EMSY: variants seen among roughly 807,000 people sequenced by gnomAD.
EMSY encodes the protein BRCA2-interacting transcriptional repressor EMSY.
Under a neutral mutation model 134.6 loss-of-function variants are expected in EMSY, and 26 were observed. The ratio of observed to expected loss-of-function variants is 0.19; its 90% confidence interval spans 0.14 to 0.27. The LOEUF is 0.27. EMSY is among the 10% of genes least tolerant of loss of function. The pLI is 1.00. For synonymous variants in EMSY, 579 were observed against 577.8 expected (o/e 1.00, Z -0.03); for missense variants, 1,305 against 1,611.4 (o/e 0.81, Z 3.26).
chr11:76,484,426 T>C (rs372901930), intron 8 of EMSY, among the ~76,000 whole-genome samples: 7 of 151,936 alleles, frequency 4.6e-5, no homozygotes, highest in African/African-American at 1.7e-4. Flanking sequence ...GAGATAGAGA[T>C]ACGAAAAACC....
At chr11:76,506,483 C>T (rs1457873274) in intron 9 of EMSY, among the ~76,000 whole-genome samples, 1 of 152,124 alleles carries the variant, frequency 6.6e-6, no homozygotes. Flanking sequence ...TCATGAAATG[C>T]ACAGAATACC....
chr11:76,482,835 A>G (rs1322379332), intron 8 of EMSY, among the ~76,000 whole-genome samples: 1 of 152,252 alleles, frequency 6.6e-6, no homozygotes, highest in East Asian at 1.9e-4. Context: ...TCTTCAGCAT[A>G]TTATCCAGGA....
At chr11:76,522,668 T>G (rs1050697771) in intron 11 of EMSY, among the ~76,000 whole-genome samples, 18 of 152,284 alleles carry the variant, frequency 1.2e-4, no homozygotes, top group African/African-American at 4.1e-4. Flanking sequence ...GCCTACTTTG[T>G]CTTTTTTAAT....
At chr11:76,468,377 A>G (rs1948444392) in intron 7 of EMSY, among the ~76,000 whole-genome samples, 1 of 152,186 alleles carries the variant, frequency 6.6e-6, no homozygotes, top group Non-Finnish European at 1.5e-5. Flanking sequence ...TCATTCCACA[A>G]ATATTTATTG....
chr11:76,478,320 C>T (rs1286337919), intron 8 of EMSY, among the ~76,000 whole-genome samples: 1 of 151,454 alleles, frequency 6.6e-6, no homozygotes, highest in Non-Finnish European at 1.5e-5. Context: ...TATATTATTA[C>T]CTTTTTACCC....
intron 9 of EMSY, among the ~76,000 whole-genome samples, chr11:76,503,588 T>A (rs1949963222): frequency 6.6e-6 from 1 of 152,090 alleles, no homozygotes; most frequent in Non-Finnish European, 1.5e-5. Flanking sequence ...GACCCTTACA[T>A]CACACCGTAT....
intron 9 of EMSY, among the ~76,000 whole-genome samples, chr11:76,499,943 G>T (rs1165768068): frequency 2.0e-5 from 3 of 151,832 alleles, no homozygotes; most frequent in African/African-American, 7.2e-5. Flanking sequence ...AGCTAGAAAT[G>T]GTGGCATGTG....
At chr11:76,494,671 CTT>C (rs1949562056) in intron 8 of EMSY, among the ~76,000 whole-genome samples, 2 of 26,314 alleles carry the variant, frequency 7.6e-5, no homozygotes. Flanking sequence ...TCCTTCCTTC[CTT>C]CCTTCCTTCC....
chr11:76,450,919 G>A (rs1374603155), intron 2 of EMSY, among the ~76,000 whole-genome samples: 2 of 151,424 alleles, frequency 1.3e-5, no homozygotes, highest in Non-Finnish European at 2.9e-5. Flanking sequence ...TCAGCCTCCT[G>A]AGAGGCTGGA....
chr11:76,514,639 A>G (rs1447058002), intron 10 of EMSY, among the ~76,000 whole-genome samples: 1 of 152,160 alleles, frequency 6.6e-6, no homozygotes, highest in African/African-American at 2.4e-5. Flanking sequence ...TATATAGTTC[A>G]TTGGCCTTAA....
At chr11:76,454,060 G>A (rs1947777073) in intron 4 of EMSY, 1 of 152,032 alleles carries the variant, frequency 6.6e-6, no homozygotes, top group South Asian at 2.1e-4. Context: ...GGAACAGAAA[G>A]TAGCCTTTAA....
chr11:76,544,452 C>T (rs1260971663), exon 19 of EMSY: 1 of 1,614,138 alleles, frequency 6.2e-7, no homozygotes. Flanking sequence ...CAAGTGAAAA[C>T]TCTGCAGTGC....
chr11:76,492,468 A>C (rs1200696877), intron 8 of EMSY, among the ~76,000 whole-genome samples: 1 of 152,206 alleles, frequency 6.6e-6, no homozygotes, highest in Non-Finnish European at 1.5e-5. Flanking sequence ...GCGAGACTCC[A>C]TCTCATAAAT....
At position 76,504,932 on chromosome 11, in the gene EMSY, A is replaced by G. The variant is rs190454817; in HGVS notation, c.1364-8454A>G. Among the ~76,000 whole-genome samples the G allele has an allele frequency of 9.2e-5, 14 of 152,332 alleles. No homozygotes were observed. In the East Asian group the frequency reaches 2.5e-3, roughly 27 times the overall value. Reference sequence around the variant, plus strand: ...GACCACGTATTATATGATTTATTTCATATCAAAGTCCAAATTACAGAAATC... The same window carrying G: ...GACCACGTATTATATGATTTATTTCGTATCAAAGTCCAAATTACAGAAATC... On this transcript the variant is annotated intron_variant, in intron 9 of 20. Coordinates refer to ENST00000334736, the Ensembl canonical transcript of EMSY.
intron 9 of EMSY, among the ~76,000 whole-genome samples, chr11:76,505,388 A>T (rs564279858): frequency 2.3e-5 from 3 of 132,322 alleles, no homozygotes; most frequent in Non-Finnish European, 4.8e-5. Flanking sequence ...TTTTGTAGAG[A>T]TGGGTTTTCA....
At chr11:76,532,053 T>G (rs1951060523) in intron 14 of EMSY, among the ~76,000 whole-genome samples, 1 of 152,182 alleles carries the variant, frequency 6.6e-6, no homozygotes, top group African/African-American at 2.4e-5. Flanking sequence ...TATGTTAGGC[T>G]TCCAATATTG....
chr11:76,488,908 T>C (rs1349298423), intron 8 of EMSY, among the ~76,000 whole-genome samples: 1 of 152,246 alleles, frequency 6.6e-6, no homozygotes, highest in African/African-American at 2.4e-5. Context: ...AATCCCCTTC[T>C]GTGGGTCTGT....
At chr11:76,495,546 A>G (rs1482306949) in intron 8 of EMSY, among the ~76,000 whole-genome samples, 4 of 152,200 alleles carry the variant, frequency 2.6e-5, no homozygotes, top group African/African-American at 9.6e-5. Context: ...GTGCTTGCTA[A>G]TATTAGAATC....
intron 7 of EMSY, among the ~76,000 whole-genome samples, chr11:76,468,694 A>G (rs1948455875): frequency 6.6e-6 from 1 of 152,256 alleles, no homozygotes; most frequent in South Asian, 2.1e-4. Context: ...TTCAAATTCA[A>G]ATAGGTAATA....
Sources: allele counts gnomAD v4.1 joint callset (sites outside exome capture counted in the v4.1 genomes callset), GRCh38; gene constraint gnomAD v4.1.1; transcripts MANE v1.5; gene names NCBI Gene and HGNC (gene_info 2026-07-23, HGNC 2026-07-21).